PPP3CC: variants seen among roughly 807,000 people sequenced by gnomAD.
PPP3CC encodes serine/threonine-protein phosphatase 2B catalytic subunit gamma isoform.
In PPP3CC, 35 loss-of-function variants were observed where a neutral mutation model predicts 60.3. That is an observed-to-expected ratio of 0.58 (90% CI 0.44 to 0.77). The LOEUF (loss-of-function observed/expected upper bound fraction) is 0.77. Ranked by LOEUF, PPP3CC falls within the 30% of genes least tolerant of loss-of-function variation. PPP3CC has a pLI of 0.00. For synonymous variants in PPP3CC, 206 were observed against 224.3 expected, an observed-to-expected ratio of 0.92 and a Z score of 0.73; for missense variants, 570 against 628.9, an observed-to-expected ratio of 0.91 and a Z score of 1.00.
chr8:22,486,611 A>G (rs562796084), intron 3 of PPP3CC, among the ~76,000 whole-genome samples: 1 of 152,286 alleles, frequency 6.6e-6, no homozygotes, highest in Admixed American at 6.5e-5. Context: ...CTAAGGAGGA[A>G]AAGCAGACCT....
At chr8:22,453,665 T>C (rs1837102289) in intron 1 of PPP3CC, among the ~76,000 whole-genome samples, 1 of 152,186 alleles carries the variant, frequency 6.6e-6, no homozygotes, top group Non-Finnish European at 1.5e-5. Context: ...CAAACCTAGA[T>C]GTTATATATA....
intron 4 of PPP3CC, among the ~76,000 whole-genome samples, chr8:22,505,595 C>T (rs1042179341): frequency 6.6e-6 from 1 of 152,084 alleles, no homozygotes; most frequent in Non-Finnish European, 1.5e-5. Context: ...TTTACCTTTA[C>T]TCTCAGGGTT....
chr8:22,508,260 A>T (rs888097625), intron 4 of PPP3CC, among the ~76,000 whole-genome samples: 1 of 152,112 alleles, frequency 6.6e-6, no homozygotes, highest in South Asian at 2.1e-4. Context: ...CTCTAAAAAA[A>T]TTTTTTTAAA....
At chr8:22,476,931 CAAAA>C (rs200213778) in intron 3 of PPP3CC, among the ~76,000 whole-genome samples, 1 of 65,430 alleles carries the variant, frequency 1.5e-5, no homozygotes. Flanking sequence ...GACTCTGTCT[CAAAA>C]AAAAAAAAAA....
chr8:22,492,537 A>G (rs921629828), intron 3 of PPP3CC: 14 of 369,622 alleles, frequency 3.8e-5, no homozygotes, highest in South Asian at 1.7e-4. Context: ...GTGTGCACCT[A>G]ATCTCAGCTG....
intron 3 of PPP3CC, among the ~76,000 whole-genome samples, chr8:22,477,923 C>T (rs145933032): frequency 0.043 from 6,596 of 151,784 alleles, 376 homozygotes; most frequent in African/African-American, 0.12. Flanking sequence ...CGATCTCGGC[C>T]CACCGCAACG....
intron 3 of PPP3CC, among the ~76,000 whole-genome samples, chr8:22,496,459 T>C (rs1586833758): frequency 6.8e-6 from 1 of 147,682 alleles, no homozygotes; most frequent in Non-Finnish European, 1.5e-5. Context: ...TCATGACTTA[T>C]AAGTTAAATT....
intron 3 of PPP3CC, among the ~76,000 whole-genome samples, chr8:22,495,203 CCTCCT>C: frequency 6.6e-6 from 1 of 152,176 alleles, no homozygotes; most frequent in Non-Finnish European, 1.5e-5. Flanking sequence ...CCTGCCTTGG[CCTCCT>C]AAAGCACTGG....
intron 1 of PPP3CC, among the ~76,000 whole-genome samples, chr8:22,467,371 C>T (rs1156534947): frequency 6.6e-6 from 1 of 152,004 alleles, no homozygotes; most frequent in East Asian, 2.0e-4. Flanking sequence ...TGAGAGTTTT[C>T]ATTTTGTTCT....
At chr8:22,519,142 C>G (rs1248200421) in intron 6 of PPP3CC, among the ~76,000 whole-genome samples, 1 of 152,064 alleles carries the variant, frequency 6.6e-6, no homozygotes, top group Non-Finnish European at 1.5e-5. Flanking sequence ...CTTTTGTTCC[C>G]TCTTGTGATG....
intron 12 of PPP3CC, among the ~76,000 whole-genome samples, chr8:22,538,805 G>A (rs980761899): frequency 2.0e-5 from 3 of 152,170 alleles, no homozygotes; most frequent in African/African-American, 7.2e-5. Flanking sequence ...CATATGGATT[G>A]GAAACATTAG....
chr8:22,445,183 C>T (rs1836786502), intron 1 of PPP3CC, among the ~76,000 whole-genome samples: 1 of 152,108 alleles, frequency 6.6e-6, no homozygotes, highest in Non-Finnish European at 1.5e-5. Context: ...TCTTTAATAT[C>T]GTGGCACTGG....
At chr8:22,513,646 A>C (rs547309054) in intron 6 of PPP3CC, among the ~76,000 whole-genome samples, 1 of 152,186 alleles carries the variant, frequency 6.6e-6, no homozygotes, top group East Asian at 1.9e-4. Flanking sequence ...ACATGATTGG[A>C]CATCCTGCAG....
At position 22,527,096 on chromosome 8, in the gene PPP3CC, C is replaced by T. The variant is rs1451950173; in HGVS notation, c.944-296C>T. 2.0e-5 allele frequency among the ~76,000 whole-genome samples: 3 copies of T among 152,152 alleles called. 1 individual carries two copies. The highest frequency in any genetic ancestry group is 4.8e-5 in the African/African-American group (2 of 41,420). ...GGAAATTATGGGGAAATTTTCCTCA[C>T]GTGGATCTTGAGGTTTATATAGATA... On this transcript the variant is annotated intron_variant, in intron 8 of 13. Transcript: ENST00000240139.
In PPP3CC at chr8:22,441,096, G is replaced by A. The variant is rs1485885997; in HGVS notation, c.-314G>A. ...CGCGCTTGCGTGCACGAGGGCCCGG[G>A]CCGCGAGCAGCCGCGGCCGTCCCGG... On this transcript the variant is annotated 5_prime_UTR_variant, in exon 1 of 14. Coordinates refer to ENST00000240139, the MANE Select transcript of PPP3CC (RefSeq NM_005605.5). 3 of 258,976 alleles carry A rather than the reference G, an allele frequency of 1.2e-5. No homozygotes were observed. Among genetic ancestry groups the A allele is most frequent in the African/African-American group, 2.2e-5 (1 of 44,926 alleles). The allele number at this position is 258,976 out of a possible 1,614,324, so 16.0% of individuals were successfully genotyped here. A position where few individuals can be genotyped will look rare whatever the true frequency, so the allele number is the denominator to read the frequency against.
At chr8:22,527,721 C>T (rs1307797437) in intron 9 of PPP3CC, among the ~76,000 whole-genome samples, 3 of 151,928 alleles carry the variant, frequency 2.0e-5, no homozygotes, top group Non-Finnish European at 2.9e-5. Flanking sequence ...CTACAACCTC[C>T]GCCTCCCAGG....
intron 1 of PPP3CC, among the ~76,000 whole-genome samples, chr8:22,473,288 G>T (rs927873073): frequency 1.3e-5 from 2 of 152,028 alleles, no homozygotes; most frequent in Non-Finnish European, 2.9e-5. Flanking sequence ...GATCCCAGGG[G>T]ATCTAAAGTA....
chr8:22,475,806 G>T, intron 3 of PPP3CC, 182 bp downstream of exon 3: 1 of 609,820 alleles, frequency 1.6e-6, no homozygotes, highest in Middle Eastern at 4.8e-4. Context: ...TTTAAAACCA[G>T]TCGAAAATCT....
At chr8:22,513,100 G>C (rs933525331) in intron 5 of PPP3CC, among the ~76,000 whole-genome samples, 193 bp from the exon 6 acceptor site, 5 of 151,982 alleles carry the variant, frequency 3.3e-5, no homozygotes, top group African/African-American at 1.2e-4. Context: ...ATTTATTTCA[G>C]AAAAATAATA....
Sources: allele counts gnomAD v4.1 joint callset (sites outside exome capture counted in the v4.1 genomes callset), GRCh38; gene constraint gnomAD v4.1.1; transcripts MANE v1.5; gene names NCBI Gene and HGNC (gene_info 2026-07-23, HGNC 2026-07-21).